The following TANC1 variants were observed in gnomAD, a reference collection of about 807,000 sequenced individuals.
TANC1 encodes the protein protein TANC1.
In TANC1, 77 loss-of-function variants were observed where a neutral mutation model predicts 149.7. That is an observed-to-expected ratio of 0.51 (90% CI 0.43 to 0.62). The LOEUF is 0.62. Among genes scored for constraint, TANC1 ranks in the 20% least tolerant of loss-of-function variants. The probability of loss-of-function intolerance (pLI) is 0.00; values close to 1 mark genes in which losing one functional copy is unlikely to be tolerated. For synonymous variants in TANC1, 854 were observed against 925.0 expected, an observed-to-expected ratio of 0.92 and a Z score of 1.39; for missense variants, 1,985 against 2,321.8, an observed-to-expected ratio of 0.85 and a Z score of 2.98.
At chr2:159,210,867 G>T (rs1478622352) in intron 19 of TANC1, among the ~76,000 whole-genome samples, 1 of 149,658 alleles carries the variant, frequency 6.7e-6, no homozygotes, top group Non-Finnish European at 1.5e-5. Context: ...CACCATGCCT[G>T]ATCTTTTAAT....
At chr2:159,069,232 T>G (rs1412187241) in intron 3 of TANC1, among the ~76,000 whole-genome samples, 1 of 152,204 alleles carries the variant, frequency 6.6e-6, no homozygotes, top group Non-Finnish European at 1.5e-5. Flanking sequence ...TTTACCATGT[T>G]TTTTTAGAGA....
At chr2:159,199,762 T>G (rs1246654463) in intron 19 of TANC1, among the ~76,000 whole-genome samples, 1 of 152,258 alleles carries the variant, frequency 6.6e-6, no homozygotes, top group Non-Finnish European at 1.5e-5. Context: ...AGGTTATGTT[T>G]CTGTGTGTGT....
chr2:159,179,310 C>A, intron 14 of TANC1, 147 bp downstream of exon 14: 1 of 1,205,524 alleles, frequency 8.3e-7, no homozygotes, highest in East Asian at 2.4e-5. Flanking sequence ...ATTTTTCTTC[C>A]TTTTTGGCAG....
At chr2:159,195,717 A>G (rs1218020852) in intron 17 of TANC1, among the ~76,000 whole-genome samples, 1 of 152,206 alleles carries the variant, frequency 6.6e-6, no homozygotes, top group East Asian at 1.9e-4. Flanking sequence ...ACTGCTGCAC[A>G]TCACCGCACC....
chr2:159,212,811 C>T (rs2059078313), intron 19 of TANC1, among the ~76,000 whole-genome samples: 2 of 151,664 alleles, frequency 1.3e-5, no homozygotes, highest in Non-Finnish European at 2.9e-5. Context: ...TCCTAGCTAC[C>T]CAGGAGGCTG....
chr2:159,169,859 G>A (rs1328790183), intron 9 of TANC1, among the ~76,000 whole-genome samples: 1 of 152,114 alleles, frequency 6.6e-6, no homozygotes, highest in Non-Finnish European at 1.5e-5. Flanking sequence ...TGGGCATGGT[G>A]GCAGGTACCT....
chr2:159,060,740 A>C (rs968837593), intron 2 of TANC1, among the ~76,000 whole-genome samples: 30 of 152,182 alleles, frequency 2.0e-4, no homozygotes, highest in Non-Finnish European at 3.8e-4. Context: ...AATTGTGTAA[A>C]TAGGCAGTAT....
intron 5 of TANC1, chr2:159,147,699 G>T (rs1010479525): frequency 1.3e-5 from 2 of 152,272 alleles, no homozygotes; most frequent in Non-Finnish European, 2.9e-5. Context: ...TTTTAACCCA[G>T]AATAGTCAAG....
intron 2 of TANC1, among the ~76,000 whole-genome samples, chr2:159,038,634 T>A (rs2040391616): frequency 6.6e-6 from 1 of 152,208 alleles, no homozygotes; most frequent in Non-Finnish European, 1.5e-5. Context: ...TTTGGTTCTG[T>A]TTATGTGATG....
At chr2:159,209,556 C>T (rs1448154859) in intron 19 of TANC1, among the ~76,000 whole-genome samples, 1 of 152,124 alleles carries the variant, frequency 6.6e-6, no homozygotes, top group Non-Finnish European at 1.5e-5. Context: ...CCCTGAGGCC[C>T]TCAGTGTGAC....
intron 21 of TANC1, 50 bp downstream of exon 21, chr2:159,219,411 A>C (rs764209860): frequency 6.2e-7 from 1 of 1,610,510 alleles, no homozygotes; most frequent in Admixed American, 1.7e-5. Flanking sequence ...CACAGAGAGA[A>C]CTTCAGCAGA....
intron 14 of TANC1, among the ~76,000 whole-genome samples, chr2:159,183,577 G>T (rs2056692142): frequency 6.6e-6 from 1 of 152,168 alleles, no homozygotes. Context: ...AGTGAGGGAG[G>T]AGGGTCCTGG....
chr2:159,171,194 C>T (rs866001383), intron 10 of TANC1, among the ~76,000 whole-genome samples: 1 of 152,158 alleles, frequency 6.6e-6, no homozygotes, highest in Non-Finnish European at 1.5e-5. Flanking sequence ...GCACAGCCTT[C>T]GTCTTCTGTA....
intron 19 of TANC1, among the ~76,000 whole-genome samples, chr2:159,208,249 G>A (rs1052297698): frequency 2.6e-5 from 4 of 152,186 alleles, no homozygotes; most frequent in African/African-American, 9.7e-5. Context: ...ATATGTTAAT[G>A]TATGCTATAC....
At chr2:159,155,149 T>C (rs972672048) in intron 7 of TANC1, among the ~76,000 whole-genome samples, 2 of 152,250 alleles carry the variant, frequency 1.3e-5, no homozygotes, top group African/African-American at 4.8e-5. Flanking sequence ...AATTTGTGTT[T>C]ATGTACATAT....
At position 159,023,891 on chromosome 2, in the gene TANC1, C is replaced by T. The variant is rs543844801; in HGVS notation, c.-16+22702C>T. Among the ~76,000 whole-genome samples the T allele has an allele frequency of 2.3e-3, 351 of 151,870 alleles. 1 individual carries two copies. The highest frequency in any genetic ancestry group is 7.7e-3 in the African/African-American group (320 of 41,416). ...GCTGAGGCAGGAGAATCACTTGAAC[C>T]CAGGAGGTGGAAGTTGCAATGAGCC... On this transcript the variant is annotated intron_variant, in intron 2 of 26. Coordinates refer to ENST00000263635, the MANE Select transcript of TANC1 (RefSeq NM_033394.3).
At chr2:159,165,183 T>C (rs1160822108) in intron 8 of TANC1, among the ~76,000 whole-genome samples, 1 of 152,252 alleles carries the variant, frequency 6.6e-6, no homozygotes, top group Admixed American at 6.5e-5. Flanking sequence ...GGGGTTGTTT[T>C]CTGCTCGATG....
At chr2:159,190,927 A>G (rs972926419) in intron 16 of TANC1, among the ~76,000 whole-genome samples, 1 of 152,216 alleles carries the variant, frequency 6.6e-6, no homozygotes, top group Non-Finnish European at 1.5e-5. Flanking sequence ...TGGCATTTTT[A>G]AAAAGCAAGC....
chr2:158,973,654 A>C (rs547677289), intron 1 of TANC1, among the ~76,000 whole-genome samples: 2 of 152,342 alleles, frequency 1.3e-5, no homozygotes, highest in African/African-American at 4.8e-5. Context: ...AAAGTATCCC[A>C]CAAAGAAGAG....
Sources: allele counts gnomAD v4.1 joint callset (sites outside exome capture counted in the v4.1 genomes callset), GRCh38; gene constraint gnomAD v4.1.1; transcripts MANE v1.5; gene names NCBI Gene and HGNC (gene_info 2026-07-23, HGNC 2026-07-21).